ATF7IP: variants seen among roughly 807,000 people sequenced by gnomAD.
ATF7IP encodes the protein activating transcription factor 7 interacting protein, also known as activating transcription factor 7-interacting protein 1.
ATF7IP carries 23 observed loss-of-function variants against 106.4 expected under a neutral mutation model. The ratio of observed to expected loss-of-function variants is 0.22; its 90% CI spans 0.16 to 0.31. The LOEUF is 0.31. Ranked by LOEUF, ATF7IP falls within the 10% of genes least tolerant of loss-of-function variation. The pLI, the probability that ATF7IP is intolerant of heterozygous loss-of-function variation, is 1.00. For missense variants in ATF7IP, 1,334 were observed against 1,524.3 expected (o/e 0.88, Z 2.08); for synonymous variants, 542 against 539.0 (o/e 1.01, Z -0.08).
intron 5 of ATF7IP, among the ~76,000 whole-genome samples, chr12:14,441,068 G>A (rs1942670716): frequency 6.6e-6 from 1 of 152,130 alleles, no homozygotes; most frequent in Non-Finnish European, 1.5e-5. Flanking sequence ...TTGAATACTT[G>A]TTTTCAAATC....
chr12:14,422,959 T>C (rs1358865802), intron 1 of ATF7IP, among the ~76,000 whole-genome samples: 2 of 152,200 alleles, frequency 1.3e-5, no homozygotes, highest in Non-Finnish European at 2.9e-5. Flanking sequence ...ACTTCACATA[T>C]TGTGGAACTG....
chr12:14,418,422 T>G (rs1248316530), intron 1 of ATF7IP, among the ~76,000 whole-genome samples: 1 of 152,196 alleles, frequency 6.6e-6, no homozygotes, highest in Admixed American at 6.5e-5. Context: ...ATTACAGTCA[T>G]GTGAAAGCTT....
intron 1 of ATF7IP, among the ~76,000 whole-genome samples, chr12:14,418,283 T>C (rs1941305934): frequency 6.6e-6 from 1 of 152,092 alleles, no homozygotes; most frequent in Non-Finnish European, 1.5e-5. Context: ...TAAAAAACAT[T>C]ATTTTGACTC....
At chr12:14,467,253 A>G (rs1422991204) in intron 10 of ATF7IP, among the ~76,000 whole-genome samples, 1 of 152,112 alleles carries the variant, frequency 6.6e-6, no homozygotes, top group Non-Finnish European at 1.5e-5. Flanking sequence ...CAAGGAGCTC[A>G]TATATTCCCA....
chr12:14,394,936 A>G (rs991687655), intron 1 of ATF7IP: 1 of 152,162 alleles, frequency 6.6e-6, no homozygotes, highest in Non-Finnish European at 1.5e-5. Flanking sequence ...TGAAATAGTC[A>G]TTTTGAAGAT....
intron 13 of ATF7IP, among the ~76,000 whole-genome samples, chr12:14,490,213 G>A (rs774725005): frequency 2.7e-4 from 41 of 152,192 alleles, no homozygotes; most frequent in Admixed American, 5.2e-4. Context: ...GATAGAGGCC[G>A]AATGGTGTCC....
At chr12:14,492,877 C>T (rs903268396) in intron 13 of ATF7IP, among the ~76,000 whole-genome samples, 1 of 152,176 alleles carries the variant, frequency 6.6e-6, no homozygotes, top group African/African-American at 2.4e-5. Context: ...TTAGAGGGCT[C>T]TTCAGAGATT....
chr12:14,488,180 A>G (rs1318651004), intron 13 of ATF7IP, among the ~76,000 whole-genome samples: 2 of 152,136 alleles, frequency 1.3e-5, no homozygotes, highest in Non-Finnish European at 2.9e-5. Flanking sequence ...GGACAGAACT[A>G]ATAAGATGGA....
At chr12:14,367,052 T>C (rs1332462267) in intron 1 of ATF7IP, among the ~76,000 whole-genome samples, 1 of 152,180 alleles carries the variant, frequency 6.6e-6, no homozygotes, top group Non-Finnish European at 1.5e-5. Flanking sequence ...AGATTTGATA[T>C]GATTCTCCCG....
intron 1 of ATF7IP, among the ~76,000 whole-genome samples, chr12:14,384,761 T>C (rs1939140403): frequency 6.6e-6 from 1 of 152,054 alleles, no homozygotes; most frequent in South Asian, 2.1e-4. Flanking sequence ...AGAAAATCTT[T>C]AGCCTTCTAT....
intron 1 of ATF7IP, among the ~76,000 whole-genome samples, chr12:14,402,447 C>A (rs575054961): frequency 6.6e-6 from 1 of 151,872 alleles, no homozygotes; most frequent in African/African-American, 2.4e-5. Context: ...TTTAAAAATT[C>A]CCCTTTTTTT....
chr12:14,450,327 T>G (rs1197773217), intron 6 of ATF7IP, among the ~76,000 whole-genome samples: 1 of 152,238 alleles, frequency 6.6e-6, no homozygotes, highest in African/African-American at 2.4e-5. Context: ...TTTGTTAAAT[T>G]GAGATAATTT....
chr12:14,386,910 C>T (rs1034386399), intron 1 of ATF7IP, among the ~76,000 whole-genome samples: 5 of 152,124 alleles, frequency 3.3e-5, no homozygotes, highest in African/African-American at 9.7e-5. Flanking sequence ...TCTATATGTA[C>T]ATGACTTAAC....
intron 13 of ATF7IP, among the ~76,000 whole-genome samples, chr12:14,483,686 T>C (rs1307422076): frequency 6.6e-6 from 1 of 152,048 alleles, no homozygotes; most frequent in East Asian, 1.9e-4. Flanking sequence ...AACAGCACCA[T>C]ATATAATGGA....
chr12:14,371,615 T>G (rs145682653), intron 1 of ATF7IP, among the ~76,000 whole-genome samples: 1 of 152,216 alleles, frequency 6.6e-6, no homozygotes, highest in East Asian at 1.9e-4. Context: ...ATATTTCTAC[T>G]GTTAGAAGCA....
chr12:14,378,847 C>A (rs1422027317), intron 1 of ATF7IP, among the ~76,000 whole-genome samples: 1 of 152,134 alleles, frequency 6.6e-6, no homozygotes, highest in Non-Finnish European at 1.5e-5. Context: ...CGATTTGGTA[C>A]AGTTACTAAT....
chr12:14,366,615 C>T (rs182870575), intron 1 of ATF7IP, among the ~76,000 whole-genome samples: 3 of 152,240 alleles, frequency 2.0e-5, no homozygotes, highest in Admixed American at 2.0e-4. Context: ...TGTTTCTGGG[C>T]ATTTGAATTT....
chr12:14,397,684 A>G (rs1939926420), intron 1 of ATF7IP, among the ~76,000 whole-genome samples: 1 of 151,932 alleles, frequency 6.6e-6, no homozygotes, highest in Non-Finnish European at 1.5e-5. Flanking sequence ...TATTTAAAGA[A>G]AGCTCATTAA....
chr12:14,484,586 C>G (rs1358079581), intron 13 of ATF7IP, among the ~76,000 whole-genome samples: 1 of 152,208 alleles, frequency 6.6e-6, no homozygotes, highest in East Asian at 1.9e-4. Flanking sequence ...AGTGCTGCAG[C>G]TGTGCACTTT....
Sources: gnomAD v4.1 joint callset for allele counts (sites outside exome capture counted in the v4.1 genomes callset) on GRCh38, gnomAD v4.1.1 for gene constraint, MANE v1.5 for transcripts, NCBI Gene and HGNC (gene_info 2026-07-23, HGNC 2026-07-21) for gene names.